CACNG5: variants seen among roughly 807,000 people sequenced by gnomAD.
The protein encoded by CACNG5 is calcium voltage-gated channel auxiliary subunit gamma 5.
In CACNG5, 18 loss-of-function variants were observed where a neutral mutation model predicts 24.8. That is an observed-to-expected ratio of 0.73 (90% CI 0.50 to 1.08). The LOEUF (loss-of-function observed/expected upper bound fraction) is 1.08, where lower values mean the gene tolerates loss of function less well. CACNG5 is among the 50% of genes least tolerant of loss of function. The pLI is 0.00. For synonymous variants in CACNG5, 157 were observed against 149.1 expected, an observed-to-expected ratio of 1.05 and a Z score of -0.39; for missense variants, 349 against 367.9, an observed-to-expected ratio of 0.95 and a Z score of 0.42.
chr17:66,862,292 G>A (rs1976872191), intron 1 of CACNG5, among the ~76,000 whole-genome samples: 1 of 152,056 alleles, frequency 6.6e-6, no homozygotes, highest in African/African-American at 2.4e-5. Context: ...CATAGGTACA[G>A]GTGTTGGGGA....
At chr17:66,850,851 A>G (rs968516088) in intron 1 of CACNG5, among the ~76,000 whole-genome samples, 1 of 152,158 alleles carries the variant, frequency 6.6e-6, no homozygotes, top group African/African-American at 2.4e-5. Context: ...AAGGTTTTAA[A>G]ATACATCATT....
rs1462011066 is a variant in CACNG5 at position 66,888,158 on chromosome 17, C to T, written c.*2918C>T. ...AGAGAACAATCTGACATTGGTTCCC[C>T]CACACCTGGAACTTACTACCCTACT... On this transcript the variant is annotated 3_prime_UTR_variant, in exon 6 of 6. Coordinates refer to ENST00000533854, the MANE Select transcript of CACNG5 (RefSeq NM_145811.3). Among the ~76,000 whole-genome samples, 25 of 151,560 alleles carry T rather than the reference C, an allele frequency of 1.6e-4. No homozygotes were observed. Among genetic ancestry groups the T allele is most frequent in the Non-Finnish European group, 2.8e-4 (19 of 67,960 alleles).
intron 1 of CACNG5, among the ~76,000 whole-genome samples, chr17:66,876,296 T>A (rs1302939282): frequency 6.6e-6 from 1 of 152,212 alleles, no homozygotes; most frequent in African/African-American, 2.4e-5. Flanking sequence ...CACCAGGGTA[T>A]CAGGGATTTT....
intron 1 of CACNG5, among the ~76,000 whole-genome samples, chr17:66,846,612 A>T (rs1449516942): frequency 6.6e-6 from 1 of 152,152 alleles, no homozygotes; most frequent in South Asian, 2.1e-4. Flanking sequence ...TGGATGTACC[A>T]CAGTGTGTCC....
intron 4 of CACNG5, among the ~76,000 whole-genome samples, chr17:66,883,375 A>G (rs1316735836): frequency 6.6e-6 from 1 of 152,172 alleles, no homozygotes; most frequent in Non-Finnish European, 1.5e-5. Flanking sequence ...CATTTAGTGC[A>G]CCAATGATTC....
chr17:66,855,141 G>C (rs949074609), intron 1 of CACNG5, among the ~76,000 whole-genome samples: 1 of 152,202 alleles, frequency 6.6e-6, no homozygotes. Context: ...CCCCAATACA[G>C]GGATCATGTT....
In CACNG5 at chr17:66,858,496, G is replaced by A. The variant is rs189227804; in HGVS notation, c.-103-18734G>A. 2.6e-3 allele frequency among the ~76,000 whole-genome samples: 396 copies of A among 152,168 alleles called. 4 individuals are homozygous for A. The highest frequency in any genetic ancestry group is 0.015 in the East Asian group (75 of 5,168). On this transcript the variant is annotated intron_variant, in intron 1 of 5. Coordinates refer to ENST00000533854, the MANE Select transcript of CACNG5 (RefSeq NM_145811.3). ...GGCCTGGGCCTCCCCCACCCGCCAC[G>A]CTCTCCCCAGCACCTCTGCATCTGC...
chr17:66,884,781 A>G, intron 5 of CACNG5, 120 bp downstream of exon 5: 1 of 1,613,032 alleles, frequency 6.2e-7, no homozygotes, highest in Non-Finnish European at 8.5e-7. Flanking sequence ...CGGACCACCC[A>G]CTCTACTTCC....
Position 66,887,964 on chromosome 17 carries a change from G to A in CACNG5, c.*2724G>A, listed in dbSNP as rs925093700. ...CTCAATCAGGAGACTTTTACCAAAC[G>A]TTAACATGTACAAACTCAACTCAGA... is the stretch of plus-strand genomic sequence containing the variant. On this transcript the variant is annotated 3_prime_UTR_variant, in exon 6 of 6. Transcript: ENST00000533854. Among the ~76,000 whole-genome samples, 18 of 152,002 alleles carry A rather than the reference G, an allele frequency of 1.2e-4. No individual in the cohort carries two copies. The highest frequency in any genetic ancestry group is 4.1e-4 in the African/African-American group (17 of 41,388).
intron 1 of CACNG5, among the ~76,000 whole-genome samples, chr17:66,868,740 G>A (rs1001900558): frequency 6.6e-6 from 1 of 152,162 alleles, no homozygotes; most frequent in Non-Finnish European, 1.5e-5. Flanking sequence ...CTTGACCCAT[G>A]TTTGCTAACA....
At chr17:66,864,446 TAA>T (rs1466840695) in intron 1 of CACNG5, among the ~76,000 whole-genome samples, 2 of 152,242 alleles carry the variant, frequency 1.3e-5, no homozygotes, top group Non-Finnish European at 2.9e-5. Context: ...GTACAAAATA[TAA>T]GTCTTATCTC....
chr17:66,857,576 A>C (rs531250082), intron 1 of CACNG5, among the ~76,000 whole-genome samples: 2 of 152,182 alleles, frequency 1.3e-5, no homozygotes, highest in African/African-American at 2.4e-5. Flanking sequence ...TTCATACTAC[A>C]TCTTAGAAAT....
rs141766933 is a variant in CACNG5 at position 66,847,529 on chromosome 17, C to T, written c.-104+12279C>T. Among the ~76,000 whole-genome samples, 16 of 148,522 alleles carry T rather than the reference C, an allele frequency of 1.1e-4. No individual in the cohort carries two copies. The South Asian group carries it at 2.2e-3, about 21-fold the overall frequency. ...CTCGTGAGACTTACTATCACGAGAA[C>T]GGCACGGGGAAAAACCCACCCCCAT... On this transcript the variant is annotated intron_variant, in intron 1 of 5. Transcript: ENST00000533854.
At chr17:66,884,140 GAAA>G (rs67618988) in intron 4 of CACNG5, among the ~76,000 whole-genome samples, 1 of 104,092 alleles carries the variant, frequency 9.6e-6, no homozygotes, top group Non-Finnish European at 2.1e-5. Flanking sequence ...CTCAAAAAAA[GAAA>G]AAAAAAAAAA....
intron 1 of CACNG5, among the ~76,000 whole-genome samples, chr17:66,857,780 T>C (rs878987629): frequency 6.6e-6 from 1 of 152,236 alleles, no homozygotes; most frequent in African/African-American, 2.4e-5. Flanking sequence ...CATGGGCTAG[T>C]GGCTCTTAGC....
At chr17:66,837,927 G>C (rs1976503869) in intron 1 of CACNG5, among the ~76,000 whole-genome samples, 1 of 152,020 alleles carries the variant, frequency 6.6e-6, no homozygotes, top group Non-Finnish European at 1.5e-5. Flanking sequence ...TATCAAGTGG[G>C]AATTCTCGGT....
rs1185741450 is a variant in CACNG5 at position 66,877,473 on chromosome 17, C to T, written c.141C>T (p.Ser47=). The change falls in exon 2 of 6, where the codon AGC becomes AGT. Residue 47 remains serine (S), a synonymous_variant. Coordinates refer to ENST00000533854, the MANE Select transcript of CACNG5 (RefSeq NM_145811.3). ...EEGVIVPQNQ[S]TEIKMSLHSG... is the part of the protein sequence containing the mutation. ...GTGTGATTGTGCCCCAGAACCAGAG[C>T]ACCGAGATCAAGATGTCCCTGCACT... 2.5e-6 allele frequency: 4 copies of T among 1,613,948 alleles called. No individual in the cohort carries two copies. The Admixed American group carries it at 5.0e-5, about 20-fold the overall frequency.
Position 66,886,507 on chromosome 17 carries a change from C to G in CACNG5, c.*1267C>G, listed in dbSNP as rs533512165. 6.6e-6 allele frequency among the ~76,000 whole-genome samples: 1 copy of G among 152,090 alleles called. No homozygotes were observed. Among genetic ancestry groups the G allele is most frequent in the Non-Finnish European group, 1.5e-5 (1 of 68,004 alleles). ...TCCACAGAAGCCACTGCAAGCCATG[C>G]CCCCCTTCAGCTCTCCAAGTGTCAG... On this transcript the variant is annotated 3_prime_UTR_variant, in exon 6 of 6. Coordinates refer to ENST00000533854, the MANE Select transcript of CACNG5 (RefSeq NM_145811.3).
rs377716365 is a variant in CACNG5, at chr17:66,879,037, G to A, written c.262G>A (p.Glu88Lys). 2.7e-5 allele frequency: 44 copies of A among 1,613,866 alleles called. No homozygotes were observed. The highest frequency in any genetic ancestry group is 8.0e-5 in the African/African-American group (6 of 74,918). ...GCCCATGAACACCCAGCTGACATCCGAGTCCACGGTCAATGTTCTAAGTAA... is the reference window on the plus strand; with the variant it reads ...GCCCATGAACACCCAGCTGACATCCAAGTCCACGGTCAATGTTCTAAGTAA... ...VMPMNTQLTSESTVNVLKMIR... is the reference protein window; with the variant it reads ...VMPMNTQLTSKSTVNVLKMIR... The change falls in exon 3 of 6, where the codon GAG (glutamate) becomes AAG (lysine). Residue 88 changes from glutamate to lysine, a missense_variant. Physicochemically the swap from Glu to Lys is moderately conservative, Grantham distance 56. Coordinates refer to ENST00000533854, the MANE Select transcript of CACNG5 (RefSeq NM_145811.3).
Sources: gnomAD v4.1 joint callset for allele counts (sites outside exome capture counted in the v4.1 genomes callset) on GRCh38, gnomAD v4.1.1 for gene constraint, MANE v1.5 for transcripts, NCBI Gene and HGNC (gene_info 2026-07-23, HGNC 2026-07-21) for gene names.